Variants in SPECC1 observed in about 807,000 individuals in gnomAD.
SPECC1 encodes the protein sperm antigen with calponin homology and coiled-coil domains 1.
Under a neutral mutation model 104.1 loss-of-function variants are expected in SPECC1, and 62 were observed. The ratio of observed to expected loss-of-function variants is 0.60; its 90% confidence interval spans 0.49 to 0.74. The LOEUF (loss-of-function observed/expected upper bound fraction) is 0.74, where lower values mean the gene tolerates loss of function less well. Ranked by LOEUF, SPECC1 falls within the 30% of genes least tolerant of loss-of-function variation. SPECC1 has a pLI of 0.00. For missense variants in SPECC1, 1,306 were observed against 1,310.5 expected, an observed-to-expected ratio of 1.00 and a Z score of 0.05; for synonymous variants, 513 against 501.6, an observed-to-expected ratio of 1.02 and a Z score of -0.30.
At chr17:20,313,231 A>G (rs1025964986) in intron 14 of SPECC1, among the ~76,000 whole-genome samples, 2 of 152,258 alleles carry the variant, frequency 1.3e-5, no homozygotes, top group East Asian at 1.9e-4. Flanking sequence ...AAATAAAAAT[A>G]AGCCAAAAAA....
chr17:20,041,087 A>T (rs2045307139), intron 1 of SPECC1, among the ~76,000 whole-genome samples: 1 of 148,314 alleles, frequency 6.7e-6, no homozygotes, highest in Non-Finnish European at 1.5e-5. Context: ...TTTTTTGGCC[A>T]GTCTATTTTC....
chr17:20,313,287 G>A (rs1190763651), intron 14 of SPECC1, among the ~76,000 whole-genome samples: 1 of 152,198 alleles, frequency 6.6e-6, no homozygotes, highest in Admixed American at 6.5e-5. Context: ...AACACATTAA[G>A]TAGTAACAAT....
At chr17:20,156,603 C>T (rs1015900008) in intron 3 of SPECC1, among the ~76,000 whole-genome samples, 1 of 152,118 alleles carries the variant, frequency 6.6e-6, no homozygotes, top group African/African-American at 2.4e-5. Context: ...GCCCCGCGGC[C>T]TCTCCCTGTC....
At chr17:20,156,751 T>G (rs530124570) in intron 3 of SPECC1, among the ~76,000 whole-genome samples, 5 of 152,328 alleles carry the variant, frequency 3.3e-5, no homozygotes, top group Non-Finnish European at 7.4e-5. Flanking sequence ...TATCCCGTTT[T>G]TACTTCCTCA....
chr17:20,071,937 T>C (rs2046570816), intron 1 of SPECC1, among the ~76,000 whole-genome samples: 1 of 152,202 alleles, frequency 6.6e-6, no homozygotes, highest in Admixed American at 6.5e-5. Flanking sequence ...TGAGACACTA[T>C]TGAGTGACTA....
rs150383348 is a variant in SPECC1 at position 20,164,907 on chromosome 17, A to G, written c.284-39426A>G. Reference sequence around the variant, plus strand: ...AGTTTACACTTCTTTAGCACTTAAAATATATAAATATTTTCCCATTTAACT... The same window carrying G: ...AGTTTACACTTCTTTAGCACTTAAAGTATATAAATATTTTCCCATTTAACT... On this transcript the variant is annotated intron_variant, in intron 3 of 14. Transcript: ENST00000395527. 6.4e-3 allele frequency among the ~76,000 whole-genome samples: 968 copies of G among 152,350 alleles called. 5 individuals carry two copies. Among genetic ancestry groups the G allele is most frequent in the Non-Finnish European group, 9.2e-3 (625 of 68,030 alleles).
intron 1 of SPECC1, among the ~76,000 whole-genome samples, chr17:20,044,669 T>G (rs954830903): frequency 2.0e-4 from 30 of 152,174 alleles, no homozygotes; most frequent in Admixed American, 1.2e-3. Flanking sequence ...TAGGGTTTGT[T>G]TTTATTTGAA....
intron 1 of SPECC1, among the ~76,000 whole-genome samples, chr17:20,041,873 C>A (rs2045345623): frequency 6.6e-6 from 1 of 152,090 alleles, no homozygotes; most frequent in African/African-American, 2.4e-5. Flanking sequence ...GATCCACCTG[C>A]CTCGGCCTCC....
At chr17:20,226,112 G>A (rs1225145171) in intron 4 of SPECC1, among the ~76,000 whole-genome samples, 2 of 152,048 alleles carry the variant, frequency 1.3e-5, no homozygotes, top group African/African-American at 2.4e-5. Context: ...CACCCCCAGC[G>A]CCAGATTACC....
At chr17:20,257,291 G>A (rs949523085) in intron 10 of SPECC1, among the ~76,000 whole-genome samples, 160 bp from the exon 11 acceptor site, 4 of 152,204 alleles carry the variant, frequency 2.6e-5, no homozygotes, top group African/African-American at 9.7e-5. Context: ...GGTCCTGCCT[G>A]TAGAATCCAC....
At chr17:20,112,501 T>C (rs934974128) in intron 3 of SPECC1, 3 of 768,606 alleles carry the variant, frequency 3.9e-6, no homozygotes, top group Admixed American at 1.7e-5. Flanking sequence ...ACTTCAGTGG[T>C]GCTGATCTTT....
At chr17:20,021,497 C>T (rs888899475) in intron 1 of SPECC1, among the ~76,000 whole-genome samples, 15 of 151,764 alleles carry the variant, frequency 9.9e-5, no homozygotes, top group Non-Finnish European at 7.4e-5. Flanking sequence ...TACATGTCTC[C>T]TTATGGACTT....
chr17:20,032,234 G>A (rs1232568887), intron 1 of SPECC1, among the ~76,000 whole-genome samples: 1 of 152,080 alleles, frequency 6.6e-6, no homozygotes, highest in Non-Finnish European at 1.5e-5. Context: ...TTACCATGGT[G>A]TATCTGTTTG....
chr17:20,150,459 G>A (rs1233073800), intron 3 of SPECC1, among the ~76,000 whole-genome samples: 1 of 151,684 alleles, frequency 6.6e-6, no homozygotes, highest in African/African-American at 2.4e-5. Context: ...GACCAACATG[G>A]AGAAATCCCG....
chr17:20,154,728 A>G (rs1421252793), intron 3 of SPECC1, among the ~76,000 whole-genome samples: 1 of 152,220 alleles, frequency 6.6e-6, no homozygotes. Context: ...AGGCAAGGGC[A>G]GGAGAAGTGA....
rs1388771498 is a variant in SPECC1 at position 20,015,827 on chromosome 17, G to T, written c.-22+6403G>T. Among the ~76,000 whole-genome samples, 32 of 149,192 alleles carry T rather than the reference G, an allele frequency of 2.1e-4. No individual in the cohort carries two copies. In the East Asian group the frequency reaches 6.2e-3, roughly 29 times the overall value. On this transcript the variant is annotated intron_variant, in intron 1 of 14. Transcript: ENST00000395527. ...TCTCGATCTCCTGACCTCGTGATCC[G>T]CCCGCCTCGGCCTCCCAAAGTGCTG...
chr17:20,155,303 G>A (rs534156256), intron 3 of SPECC1: 33 of 152,284 alleles, frequency 2.2e-4, no homozygotes, highest in Admixed American at 6.5e-5. Context: ...ATGTTGATGC[G>A]TGACACCTGA....
chr17:20,039,554 A>G (rs979306374), intron 1 of SPECC1, among the ~76,000 whole-genome samples: 1 of 152,082 alleles, frequency 6.6e-6, no homozygotes, highest in Non-Finnish European at 1.5e-5. Flanking sequence ...TATTTAAAGC[A>G]GGTTTCTTTT....
chr17:20,286,063 C>T (rs568434849), intron 12 of SPECC1, among the ~76,000 whole-genome samples: 153 of 152,288 alleles, frequency 1.0e-3, no homozygotes, highest in Non-Finnish European at 1.7e-3. Flanking sequence ...CCTCCTGCCT[C>T]GGCCTCCCAA....
Sources: gnomAD v4.1 joint callset for allele counts (sites outside exome capture counted in the v4.1 genomes callset) on GRCh38, gnomAD v4.1.1 for gene constraint, MANE v1.5 for transcripts, NCBI Gene and HGNC (gene_info 2026-07-23, HGNC 2026-07-21) for gene names.